Variants in STT3B observed in about 807,000 individuals in gnomAD.
STT3B encodes dolichyl-diphosphooligosaccharide--protein glycosyltransferase subunit STT3B.
A neutral mutation model predicts 96.8 loss-of-function variants in STT3B; 29 were observed. That is an observed-to-expected ratio of 0.30 (90% CI 0.22 to 0.41). STT3B has a LOEUF of 0.41. STT3B is among the 10% of genes least tolerant of loss of function. The pLI is 1.00. For missense variants in STT3B, 640 were observed against 1,022.3 expected (o/e 0.63, Z 5.10); for synonymous variants, 367 against 360.0 (o/e 1.02, Z -0.22).
intron 13 of STT3B, among the ~76,000 whole-genome samples, chr3:31,628,486 T>C (rs1699582982): frequency 6.6e-6 from 1 of 152,232 alleles, no homozygotes; most frequent in Non-Finnish European, 1.5e-5. Context: ...AATGGCATAA[T>C]AACTTTCTGC....
At chr3:31,618,956 GTTATA>G (rs948623240) in intron 8 of STT3B, among the ~76,000 whole-genome samples, 7 of 151,942 alleles carry the variant, frequency 4.6e-5, no homozygotes, top group Non-Finnish European at 8.8e-5. Context: ...AACTTGTGCA[GTTATA>G]TTATAAAGTA....
chr3:31,570,018 AATGAACCTCC>A (rs750198658), intron 1 of STT3B, among the ~76,000 whole-genome samples: 1 of 152,144 alleles, frequency 6.6e-6, no homozygotes, highest in African/African-American at 2.4e-5. Context: ...CTAATACTGT[AATGAACCTCC>A]ATGAATACAT....
intron 5 of STT3B, among the ~76,000 whole-genome samples, chr3:31,601,574 T>C (rs72856045): frequency 0.012 from 1,871 of 152,152 alleles, 37 homozygotes; most frequent in African/African-American, 0.043. Context: ...GAAAGTAGAT[T>C]AGTGGTTGCC....
intron 3 of STT3B, among the ~76,000 whole-genome samples, chr3:31,586,031 C>T (rs1443866460): frequency 6.6e-6 from 1 of 152,060 alleles, no homozygotes; most frequent in African/African-American, 2.4e-5. Context: ...AGCTGCCAAG[C>T]AGTTTGCCAA....
chr3:31,635,882 A>C (rs976810170), intron 15 of STT3B, 102 bp from the exon 16 acceptor site: 8 of 740,608 alleles, frequency 1.1e-5, no homozygotes, highest in African/African-American at 1.8e-5. Context: ...AAGAGCAGAG[A>C]GCTTACTAAG....
At chr3:31,557,353 C>G (rs1305477530) in intron 1 of STT3B, among the ~76,000 whole-genome samples, 4 of 151,702 alleles carry the variant, frequency 2.6e-5, no homozygotes, top group Non-Finnish European at 4.4e-5. Flanking sequence ...GCTATTCTCA[C>G]TCTTCCTTGG....
At chr3:31,544,427 A>G (rs1697352042) in intron 1 of STT3B, among the ~76,000 whole-genome samples, 1 of 152,230 alleles carries the variant, frequency 6.6e-6, no homozygotes, top group African/African-American at 2.4e-5. Flanking sequence ...TAAACCAGAT[A>G]AAGTCTTTAT....
intron 1 of STT3B, among the ~76,000 whole-genome samples, chr3:31,558,380 A>T (rs1697774285): frequency 6.6e-6 from 1 of 152,334 alleles, no homozygotes. Flanking sequence ...TTTATCATGA[A>T]GGGATCTTGC....
Position 31,623,655 on chromosome 3 carries a change from A to AT in STT3B, c.1540-12dup. 4.5e-6 allele frequency: 7 copies of AT among 1,567,514 alleles called. No individual in the cohort carries two copies. Among genetic ancestry groups the AT allele is most frequent in the Non-Finnish European group, 5.2e-6 (6 of 1,153,328 alleles). ...GTCAAATAATGAATTTGTCTAACCA[A>AT]TTTTTTTAATATCTTTAGGCAGGTA... is the stretch of plus-strand genomic sequence containing the variant. On this transcript the variant is annotated intron_variant, in intron 10 of 15. Coordinates refer to ENST00000295770, the MANE Select transcript of STT3B (RefSeq NM_178862.3).
chr3:31,583,621 G>A (rs1698464850), intron 3 of STT3B, among the ~76,000 whole-genome samples: 1 of 152,120 alleles, frequency 6.6e-6, no homozygotes. Flanking sequence ...GATTTAAAGT[G>A]CATCTCTTAC....
At position 31,625,943 on chromosome 3, in the gene STT3B, A is replaced by T. The variant is rs760461667; in HGVS notation, c.1900-11A>T. ...ATCAAAAACATTCTCATTTTTTTTT[A>T]AATTCTGCAGGTGGGAAAAGCTATG... On this transcript the variant is annotated splice_polypyrimidine_tract_variant and intron_variant, in intron 12 of 15. Coordinates refer to ENST00000295770, the MANE Select transcript of STT3B (RefSeq NM_178862.3). 37 of 1,545,388 alleles carry T rather than the reference A, an allele frequency of 2.4e-5. No homozygotes were observed. Among genetic ancestry groups the T allele is most frequent in the Admixed American group, 6.4e-5 (3 of 46,818 alleles).
intron 1 of STT3B, among the ~76,000 whole-genome samples, chr3:31,575,669 T>C (rs1262971864): frequency 6.6e-6 from 1 of 152,086 alleles, no homozygotes; most frequent in Non-Finnish European, 1.5e-5. Context: ...GTGTAGTGCT[T>C]CTACCTCAGG....
intron 5 of STT3B, among the ~76,000 whole-genome samples, chr3:31,610,247 T>C (rs1336800356): frequency 6.6e-6 from 1 of 152,238 alleles, no homozygotes; most frequent in Admixed American, 6.5e-5. Context: ...TTTAATCATA[T>C]TTGTTTATAA....
chr3:31,572,038 GATATATTAATA>G (rs1698162135), intron 1 of STT3B, among the ~76,000 whole-genome samples: 1 of 39,832 alleles, frequency 2.5e-5, no homozygotes, highest in Non-Finnish European at 9.3e-5. Flanking sequence ...ATTAATATAT[GATATATTAATA>G]TATCATATAT....
chr3:31,558,676 C>T (rs1369309957), intron 1 of STT3B, among the ~76,000 whole-genome samples: 1 of 152,080 alleles, frequency 6.6e-6, no homozygotes, highest in Non-Finnish European at 1.5e-5. Context: ...GGTAATGCCT[C>T]ATAGAAAAAG....
intron 7 of STT3B, 135 bp downstream of exon 7, chr3:31,617,210 T>A: frequency 1.7e-6 from 1 of 573,762 alleles, no homozygotes; most frequent in Non-Finnish European, 2.7e-6. Flanking sequence ...TTGAATAGTA[T>A]ATCTTAATTT....
intron 4 of STT3B, among the ~76,000 whole-genome samples, chr3:31,597,978 G>A (rs1365681355): frequency 6.6e-6 from 1 of 151,884 alleles, no homozygotes. Flanking sequence ...TGAGATTGCA[G>A]ATGTGTGCCA....
At chr3:31,619,909 T>C (rs759080814) in intron 9 of STT3B, 79 bp downstream of exon 9, 7 of 1,522,094 alleles carry the variant, frequency 4.6e-6, no homozygotes, top group Non-Finnish European at 6.1e-6. Context: ...AAATTTTTGT[T>C]TTTCTATGTT....
At chr3:31,563,467 A>C (rs1031618505) in intron 1 of STT3B, among the ~76,000 whole-genome samples, 2 of 152,262 alleles carry the variant, frequency 1.3e-5, no homozygotes, top group Non-Finnish European at 1.5e-5. Context: ...AAAAAGATCA[A>C]GATAATTTTA....
Sources: allele counts gnomAD v4.1 joint callset (sites outside exome capture counted in the v4.1 genomes callset), GRCh38; gene constraint gnomAD v4.1.1; transcripts MANE v1.5; gene names NCBI Gene and HGNC (gene_info 2026-07-23, HGNC 2026-07-21).